The following FCHSD2 variants were observed in gnomAD, a reference collection of about 807,000 sequenced individuals.
FCHSD2 encodes F-BAR and double SH3 domains protein 2.
Under a neutral mutation model 108.1 loss-of-function variants are expected in FCHSD2, and 38 were observed. The ratio of observed to expected loss-of-function variants is 0.35; its 90% CI spans 0.27 to 0.46. The LOEUF (loss-of-function observed/expected upper bound fraction) is 0.46. Ranked by LOEUF, FCHSD2 falls within the 20% of genes least tolerant of loss-of-function variation. FCHSD2 has a pLI of 1.00. For missense variants in FCHSD2, 751 were observed against 897.8 expected (o/e 0.84, Z 2.09); for synonymous variants, 279 against 314.7 (o/e 0.89, Z 1.20).
intron 3 of FCHSD2, among the ~76,000 whole-genome samples, chr11:73,054,647 T>A (rs892989535): frequency 1.4e-5 from 2 of 144,256 alleles, no homozygotes; most frequent in African/African-American, 5.1e-5. Flanking sequence ...ACAGAGGGGG[T>A]GGAGGAAAGA....
At chr11:73,141,763 C>T in intron 1 of FCHSD2, 94 bp downstream of exon 1, 1 of 1,358,608 alleles carries the variant, frequency 7.4e-7, no homozygotes, top group Non-Finnish European at 1.0e-6. Context: ...GGTCACGGCC[C>T]CTTGCGGGAG....
At chr11:72,991,661 A>G (rs999389393) in intron 5 of FCHSD2, among the ~76,000 whole-genome samples, 2 of 152,202 alleles carry the variant, frequency 1.3e-5, no homozygotes, top group African/African-American at 4.8e-5. Flanking sequence ...GACAAAAACC[A>G]TATGATTATC....
At chr11:72,928,813 C>T (rs1021424130) in intron 8 of FCHSD2, among the ~76,000 whole-genome samples, 1 of 151,848 alleles carries the variant, frequency 6.6e-6, no homozygotes, top group African/African-American at 2.4e-5. Flanking sequence ...TGTTGGTGTG[C>T]TGCACCCAGT....
At chr11:72,840,982 C>T (rs1448651132) in intron 18 of FCHSD2, 23 bp from the exon 19 acceptor site, 1 of 1,569,934 alleles carries the variant, frequency 6.4e-7, no homozygotes, top group Non-Finnish European at 8.8e-7. Flanking sequence ...ACCAAAGAAG[C>T]TCATTTTACT....
intron 3 of FCHSD2, among the ~76,000 whole-genome samples, chr11:73,055,735 T>C (rs1195831531): frequency 2.0e-5 from 3 of 151,974 alleles, no homozygotes; most frequent in East Asian, 1.9e-4. Flanking sequence ...ATCTGTAGAG[T>C]AGAAAAGCAG....
At chr11:72,927,323 T>C (rs542255702) in intron 8 of FCHSD2, among the ~76,000 whole-genome samples, 14 of 152,310 alleles carry the variant, frequency 9.2e-5, no homozygotes, top group African/African-American at 2.9e-4. Flanking sequence ...TACATATCAT[T>C]ATACATTTGT....
intron 3 of FCHSD2, among the ~76,000 whole-genome samples, chr11:73,068,360 T>TG (rs1435873671): frequency 2.2e-5 from 2 of 90,266 alleles, no homozygotes; most frequent in Non-Finnish European, 4.5e-5. Context: ...TAGGGTGGGG[T>TG]TGGGGGGGCG....
At chr11:73,023,983 T>C (rs1231198059) in intron 3 of FCHSD2, among the ~76,000 whole-genome samples, 1 of 152,126 alleles carries the variant, frequency 6.6e-6, no homozygotes, top group Non-Finnish European at 1.5e-5. Context: ...TCAGTGATTT[T>C]GAGGGGTTTG....
intron 9 of FCHSD2, among the ~76,000 whole-genome samples, chr11:72,911,713 A>G (rs1163446638): frequency 4.0e-5 from 6 of 151,820 alleles, no homozygotes; most frequent in Admixed American, 1.3e-4. Flanking sequence ...TTTAGGGTAC[A>G]TGTGCACAAT....
intron 2 of FCHSD2, among the ~76,000 whole-genome samples, chr11:73,111,197 G>A (rs1394874638): frequency 6.6e-6 from 1 of 152,096 alleles, no homozygotes; most frequent in Non-Finnish European, 1.5e-5. Context: ...TCGGTCTATA[G>A]TACAGATTAA....
intron 2 of FCHSD2, among the ~76,000 whole-genome samples, chr11:73,119,591 C>T (rs1860684480): frequency 6.6e-6 from 1 of 152,106 alleles, no homozygotes; most frequent in Admixed American, 6.5e-5. Flanking sequence ...GGACTACAGG[C>T]ACATGCCACC....
rs538263220 is a variant in FCHSD2 at position 72,898,320 on chromosome 11, T to C, written c.924+4223A>G. Among the ~76,000 whole-genome samples, 7 of 152,366 alleles carry C rather than the reference T, an allele frequency of 4.6e-5. No individual in the cohort carries two copies. In the East Asian group the frequency reaches 1.3e-3, roughly 29 times the overall value. On this transcript the variant is annotated intron_variant, in intron 10 of 19. Transcript: ENST00000409418. ...GTGGTAACTTTAAAAGTCCTATAACTTTCCTAACTATATCTTACGTAAATT... is the reference window on the plus strand; with the variant it reads ...GTGGTAACTTTAAAAGTCCTATAACCTTCCTAACTATATCTTACGTAAATT...
intron 8 of FCHSD2, among the ~76,000 whole-genome samples, chr11:72,943,136 C>T (rs569538658): frequency 7.2e-5 from 11 of 152,174 alleles, no homozygotes; most frequent in Middle Eastern, 6.8e-3. Flanking sequence ...GGATTACAGG[C>T]GCGTGCCACC....
chr11:72,931,590 C>T (rs1310383097), intron 8 of FCHSD2, among the ~76,000 whole-genome samples: 3 of 151,556 alleles, frequency 2.0e-5, no homozygotes, highest in East Asian at 2.0e-4. Flanking sequence ...GATGGTGAAA[C>T]CCCATCTCTA....
At chr11:72,965,445 G>A (rs1856890785) in intron 8 of FCHSD2, among the ~76,000 whole-genome samples, 1 of 152,126 alleles carries the variant, frequency 6.6e-6, no homozygotes, top group South Asian at 2.1e-4. Flanking sequence ...GACAAAATAA[G>A]TCTTAACTTA....
chr11:73,007,261 T>C (rs1222291624), intron 4 of FCHSD2, among the ~76,000 whole-genome samples: 1 of 152,186 alleles, frequency 6.6e-6, no homozygotes. Context: ...ACGATTTCTT[T>C]TATGAATATC....
chr11:73,009,825 G>A (rs1053997376), intron 4 of FCHSD2, among the ~76,000 whole-genome samples: 2 of 151,464 alleles, frequency 1.3e-5, no homozygotes, highest in African/African-American at 4.9e-5. Flanking sequence ...GCTGTTTTTT[G>A]AATTCTCTCT....
intron 14 of FCHSD2, 116 bp from the exon 15 acceptor site, chr11:72,843,648 G>T (rs1861035737): frequency 1.4e-6 from 1 of 706,160 alleles, no homozygotes; most frequent in Non-Finnish European, 2.4e-6. Context: ...GAAACATGTT[G>T]AACATAAAAA....
chr11:73,022,268 A>G (rs1288983255), intron 3 of FCHSD2, among the ~76,000 whole-genome samples: 1 of 152,230 alleles, frequency 6.6e-6, no homozygotes, highest in Non-Finnish European at 1.5e-5. Flanking sequence ...ACTTAGTACA[A>G]TAAGGCAAGA....
Sources: allele counts gnomAD v4.1 joint callset (sites outside exome capture counted in the v4.1 genomes callset), GRCh38; gene constraint gnomAD v4.1.1; transcripts MANE v1.5; gene names NCBI Gene and HGNC (gene_info 2026-07-23, HGNC 2026-07-21).